Variants in SLCO4C1 observed in about 807,000 individuals in gnomAD.
The protein encoded by SLCO4C1 is solute carrier organic anion transporter family member 4C1, also known as organic anion transporter M1.
A neutral mutation model predicts 72.1 loss-of-function variants in SLCO4C1; 58 were observed. The observed-to-expected ratio is 0.80, with a 90% confidence interval of 0.65 to 1.00. The LOEUF is 1.00. Among genes scored for constraint, SLCO4C1 ranks in the 50% least tolerant of loss-of-function variants. The probability of loss-of-function intolerance (pLI) is 0.00; values close to 1 mark genes in which losing one functional copy is unlikely to be tolerated. For missense variants in SLCO4C1, 898 were observed against 857.9 expected (o/e 1.05, Z -0.58); for synonymous variants, 297 against 312.5 (o/e 0.95, Z 0.52).
intron 2 of SLCO4C1, among the ~76,000 whole-genome samples, chr5:102,282,831 A>C (rs1293592559): frequency 6.6e-6 from 1 of 152,014 alleles, no homozygotes; most frequent in Non-Finnish European, 1.5e-5. Context: ...ACATTTTTAA[A>C]AGACTGAACA....
chr5:102,293,466 C>T (rs1374620287), intron 1 of SLCO4C1, among the ~76,000 whole-genome samples: 1 of 152,132 alleles, frequency 6.6e-6, no homozygotes, highest in African/African-American at 2.4e-5. Flanking sequence ...TCAGGAAACG[C>T]TCCATACTAC....
chr5:102,296,017 C>T lies in SLCO4C1; in HGVS notation c.246G>A (p.Glu82=). The T allele has an allele frequency of 1.2e-6, 2 of 1,614,222 alleles. No homozygotes were observed. Among genetic ancestry groups the T allele is most frequent in the Non-Finnish European group, 1.7e-6 (2 of 1,180,038 alleles). Residue 82 remains glutamate, a synonymous_variant, in exon 1 of 13, where the codon GAG becomes GAA. Coordinates refer to ENST00000310954, the MANE Select transcript of SLCO4C1 (RefSeq NM_180991.5). ...TCCAGCCGTAAGACCCCTCCTCAAACTCGGACAGCGACAGTGACCGGAGCT... is the reference window on the plus strand; with the variant it reads ...TCCAGCCGTAAGACCCCTCCTCAAATTCGGACAGCGACAGTGACCGGAGCT... The part of the protein sequence containing the change: ...EEKLRSLSLS[E]FEEGSYGWRN...
rs1317245717 is a variant in SLCO4C1 at position 102,249,561 on chromosome 5, C to T, written c.1620+77G>A. On this transcript the variant is annotated intron_variant, in intron 9 of 12. Coordinates refer to ENST00000310954, the MANE Select transcript of SLCO4C1 (RefSeq NM_180991.5). The stretch of plus-strand genomic sequence containing the variant: ...AGCAGGAAGGCAAGAATAGGCATTG[C>T]ATAACCCCATTAGAGAAGTCAAGAT... 5 of 1,502,424 alleles carry T rather than the reference C, an allele frequency of 3.3e-6. No individual in the cohort carries two copies. The African/African-American group carries it at 7.0e-5, about 21-fold the overall frequency. 93.1% of individuals were successfully genotyped at this position (1,502,424 alleles called of 1,614,324 possible).
rs748633066 is a variant in SLCO4C1 at position 102,263,787 on chromosome 5, G to T, written c.803-7C>A. The stretch of plus-strand genomic sequence containing the variant: ...GACATAGCATAACCGGTTCCTAGAA[G>T]AAGAACAGAGACATTGAATACAGTC... On this transcript the variant is annotated splice_polypyrimidine_tract_variant and splice_region_variant and intron_variant, in intron 3 of 12. Coordinates refer to ENST00000310954, the MANE Select transcript of SLCO4C1 (RefSeq NM_180991.5). The T allele has an allele frequency of 2.0e-5, 32 of 1,604,402 alleles. 1 individual carries two copies. The highest frequency in any genetic ancestry group is 1.6e-4 in the African/African-American group (12 of 74,578).
At chr5:102,292,848 G>A (rs1749581476) in intron 1 of SLCO4C1, among the ~76,000 whole-genome samples, 1 of 151,794 alleles carries the variant, frequency 6.6e-6, no homozygotes, top group Non-Finnish European at 1.5e-5. Flanking sequence ...ATGATAAATT[G>A]TTTTCATTCA....
intron 2 of SLCO4C1, among the ~76,000 whole-genome samples, chr5:102,286,334 T>A (rs1749451598): frequency 6.6e-6 from 1 of 152,150 alleles, no homozygotes; most frequent in Admixed American, 6.5e-5. Flanking sequence ...CCTCAGTATT[T>A]AATAATGCCT....
chr5:102,240,932 T>C, intron 10 of SLCO4C1, 150 bp from the exon 11 acceptor site: 1 of 507,476 alleles, frequency 2.0e-6, no homozygotes, highest in Non-Finnish European at 3.5e-6. Flanking sequence ...TTATAAATGG[T>C]TTAATCTTCC....
intron 12 of SLCO4C1, among the ~76,000 whole-genome samples, chr5:102,237,613 A>AAAAT (rs982760059): frequency 6.6e-6 from 1 of 152,178 alleles, no homozygotes; most frequent in Non-Finnish European, 1.5e-5. Flanking sequence ...CCCCGTCTCA[A>AAAAT]AAATAAATAA....
chr5:102,248,644 T>C (rs958273625), intron 9 of SLCO4C1, among the ~76,000 whole-genome samples: 1 of 152,106 alleles, frequency 6.6e-6, no homozygotes. Flanking sequence ...ATAGCATTTA[T>C]TGGTCATATA....
At chr5:102,263,641 A>G (rs779854926) in intron 4 of SLCO4C1, 43 bp downstream of exon 4, 1 of 1,511,000 alleles carries the variant, frequency 6.6e-7, no homozygotes, top group Non-Finnish European at 9.2e-7. Context: ...GCATAATTAA[A>G]ATAAAATGAC....
chr5:102,239,678 A>G (rs972145717), intron 11 of SLCO4C1, among the ~76,000 whole-genome samples: 1 of 152,032 alleles, frequency 6.6e-6, no homozygotes, highest in African/African-American at 2.4e-5. Context: ...CTTTTCTAAT[A>G]TAATGAATAA....
intron 2 of SLCO4C1, among the ~76,000 whole-genome samples, chr5:102,284,454 T>G (rs1432522181): frequency 6.6e-6 from 1 of 152,132 alleles, no homozygotes; most frequent in East Asian, 1.9e-4. Flanking sequence ...TTTACCAAAG[T>G]GTGTTCACTG....
At chr5:102,292,383 A>C (rs1248059470) in intron 1 of SLCO4C1, among the ~76,000 whole-genome samples, 1 of 152,166 alleles carries the variant, frequency 6.6e-6, no homozygotes, top group Non-Finnish European at 1.5e-5. Context: ...ATTGCTTCCC[A>C]AATTATTCAA....
intron 3 of SLCO4C1, among the ~76,000 whole-genome samples, chr5:102,268,538 T>C (rs553840617): frequency 6.6e-6 from 1 of 152,324 alleles, no homozygotes; most frequent in South Asian, 2.1e-4. Flanking sequence ...TTAGATATAC[T>C]TTCTTAATCC....
intron 3 of SLCO4C1, among the ~76,000 whole-genome samples, chr5:102,265,853 T>C (rs1260754766): frequency 6.6e-6 from 1 of 152,152 alleles, no homozygotes; most frequent in Non-Finnish European, 1.5e-5. Context: ...AAAAGTGACA[T>C]TGGAATTTTG....
chr5:102,249,604 C>T, intron 9 of SLCO4C1, 34 bp downstream of exon 9: 2 of 1,610,950 alleles, frequency 1.2e-6, no homozygotes, highest in African/African-American at 1.3e-5. Flanking sequence ...AAACATATTG[C>T]CTCATTAAGG....
At position 102,239,365 on chromosome 5, in the gene SLCO4C1, A is replaced by T; in HGVS notation, c.1900T>A (p.Phe634Ile). Residue 634 changes from phenylalanine (F) to isoleucine (I), a missense_variant, in exon 12 of 13, where the codon TTT becomes ATT. Phe to Ile is a conservative substitution (Grantham distance 21). Coordinates refer to ENST00000310954, the MANE Select transcript of SLCO4C1 (RefSeq NM_180991.5). The part of the protein sequence containing the change: ...LLGTIPGPII[F>I]GFTIDSTCIL... The stretch of plus-strand genomic sequence containing the variant: ...CATGTGCTGTCTATTGTGAAACCAA[A>T]TATAATTGGTCCAGGAATTGTCCCT... The T allele has an allele frequency of 6.3e-7, 1 of 1,591,170 alleles. No homozygotes were observed. The highest frequency in any genetic ancestry group is 8.5e-7 in the Non-Finnish European group (1 of 1,169,606).
In SLCO4C1 at chr5:102,235,752, T is replaced by C. The variant is rs7718818; in HGVS notation, c.*1106A>G. ...AGGGATCTAGGTTGCACTCTCCTTA[T>C]GAGAATCTAACTAATGCCTGATGGT... On this transcript the variant is annotated 3_prime_UTR_variant, in exon 13 of 13. Transcript: ENST00000310954. The C allele has an allele frequency of 0.53, 80,480 of 152,058 alleles. 21,441 individuals carry two copies. The highest frequency in any genetic ancestry group is 0.62 in the Middle Eastern group (183 of 294). 9.4% of individuals were successfully genotyped at this position (152,058 alleles called of 1,614,324 possible). A position where few individuals can be genotyped will look rare whatever the true frequency, so the allele number is the denominator to read the frequency against.
intron 10 of SLCO4C1, among the ~76,000 whole-genome samples, chr5:102,241,171 A>G (rs1360777979): frequency 2.0e-5 from 3 of 152,178 alleles, no homozygotes; most frequent in African/African-American, 7.2e-5. Context: ...AATGGTGAAT[A>G]CCTGAAAGCC....
Sources: allele counts gnomAD v4.1 joint callset (sites outside exome capture counted in the v4.1 genomes callset), GRCh38; gene constraint gnomAD v4.1.1; transcripts MANE v1.5; gene names NCBI Gene and HGNC (gene_info 2026-07-23, HGNC 2026-07-21).